The following ACTR8 variants were observed in gnomAD, a reference collection of about 807,000 sequenced individuals.
ACTR8 encodes the protein actin related protein 8.
ACTR8 carries 70 observed loss-of-function variants against 84.3 expected under a neutral mutation model. The ratio of observed to expected loss-of-function variants is 0.83; its 90% CI spans 0.68 to 1.01. ACTR8 has a LOEUF of 1.01. Ranked by LOEUF, ACTR8 falls within the 50% of genes least tolerant of loss-of-function variation. The probability of loss-of-function intolerance (pLI) is 0.00; values close to 1 mark genes in which losing one functional copy is unlikely to be tolerated. For synonymous variants in ACTR8, 268 were observed against 275.2 expected, an observed-to-expected ratio of 0.97 and a Z score of 0.26; for missense variants, 672 against 775.4, an observed-to-expected ratio of 0.87 and a Z score of 1.58.
downstream of ACTR8, chr3:53,865,384 G>A: frequency 1.7e-6 from 2 of 1,176,618 alleles, no homozygotes; most frequent in East Asian, 2.4e-5. Context: ...TGATGATCCT[G>A]AAGCTTACTA....
chr3:53,876,279 G>A (rs1375152754), intron 6 of ACTR8, among the ~76,000 whole-genome samples, 199 bp from the exon 7 acceptor site: 1 of 152,134 alleles, frequency 6.6e-6, no homozygotes, highest in East Asian at 1.9e-4. Flanking sequence ...AGCACTTTGG[G>A]AGGCCAAGGT....
intron 2 of ACTR8, among the ~76,000 whole-genome samples, chr3:53,879,003 T>G (rs924917203): frequency 6.6e-5 from 10 of 152,248 alleles, no homozygotes; most frequent in Non-Finnish European, 1.2e-4. Flanking sequence ...TCCATACAAT[T>G]ATATAATTCT....
At chr3:53,860,895 T>TA in the ACTR8 span, 6 of 152,204 alleles carry the variant, frequency 3.9e-5, no homozygotes, top group Non-Finnish European at 8.8e-5. Flanking sequence ...TATCAAAACT[T>TA]AAACACACAC....
At chr3:53,873,004 C>T in intron 9 of ACTR8, 28 bp downstream of exon 9, 1 of 1,531,724 alleles carries the variant, frequency 6.5e-7, no homozygotes, top group South Asian at 1.2e-5. Context: ...TTTCTTTCTA[C>T]CCATGGAAAC....
chr3:53,868,566 C>T lies in ACTR8; in HGVS notation c.*153G>A. The T allele has an allele frequency of 8.3e-7, 1 of 1,209,526 alleles. No homozygotes were observed. Among genetic ancestry groups the T allele is most frequent in the Non-Finnish European group, 1.1e-6 (1 of 884,766 alleles). The allele number at this position is 1,209,526 out of a possible 1,614,324, so 74.9% of individuals were successfully genotyped here. A position where few individuals can be genotyped will look rare whatever the true frequency, so the allele number is the denominator to read the frequency against. On this transcript the variant is annotated 3_prime_UTR_variant, in exon 13 of 13. Transcript: ENST00000335754. ...CTCAAAAGCAGTTTATATTTTCAAACCAATGTCATGTCCTCAACATAAAGT... is the reference window on the plus strand; with the variant it reads ...CTCAAAAGCAGTTTATATTTTCAAATCAATGTCATGTCCTCAACATAAAGT...
At position 53,870,952 on chromosome 3, in the gene ACTR8, A is replaced by T. The variant is rs535034075; in HGVS notation, c.1567+280T>A. ...TGTGAAAGTACCACTGGCAGGTGCT[A>T]CAAAGTTTATCTAAAGGGTACTGAC... is the stretch of plus-strand genomic sequence containing the variant. On this transcript the variant is annotated intron_variant, in intron 11 of 12. Coordinates refer to ENST00000335754, the MANE Select transcript of ACTR8 (RefSeq NM_022899.5). This position sits in a 1 kb window ranked among gnomAD's most constrained non-coding sequence, Gnocchi z 4.1. Among the ~76,000 whole-genome samples, 5 of 152,216 alleles carry T rather than the reference A, an allele frequency of 3.3e-5. No individual in the cohort carries two copies. Among genetic ancestry groups the T allele is most frequent in the Non-Finnish European group, 7.3e-5 (5 of 68,030 alleles).
In ACTR8 at chr3:53,877,706, A is replaced by G; in HGVS notation, c.451T>C (p.Cys151Arg). The G allele has an allele frequency of 5.6e-6, 9 of 1,614,178 alleles. No homozygotes were observed. The highest frequency in any genetic ancestry group is 6.8e-6 in the Non-Finnish European group (8 of 1,180,012). Residue 151 changes from cysteine to arginine, a missense_variant, in exon 4 of 13, where the codon TGT becomes CGT. By Grantham distance (180) the Cys-to-Arg change is radical. Transcript: ENST00000335754. The stretch of plus-strand genomic sequence containing the variant: ...GTGTTTGTCCACTTATTTCCCGAAC[A>G]GTGATCTAAAATTGCAGGTCGCATC... ...KQMRPAILDHCSGNKWTNTSH... is the reference protein window; with the variant it reads ...KQMRPAILDHRSGNKWTNTSH...
In ACTR8 at chr3:53,878,399, C is replaced by A. The variant is rs779037812; in HGVS notation, c.363G>T (p.Lys121Asn). 1 of 1,613,516 alleles carries A rather than the reference C, an allele frequency of 6.2e-7. No individual in the cohort carries two copies. The highest frequency in any genetic ancestry group is 1.1e-5 in the South Asian group (1 of 90,848). The change falls in exon 3 of 13, where the codon AAG becomes AAT. Residue 121 changes from lysine to asparagine, a missense_variant. By Grantham distance (94) the Lys-to-Asn change is moderately conservative. Transcript: ENST00000335754. ...KMVDQAIWSK[K>N]MSNGTRRIPV... ...GAATGCGTCTTGTACCATTGGACATCTTTTTAGACCATATTGCTTGATCCA... is the reference window on the plus strand; with the variant it reads ...GAATGCGTCTTGTACCATTGGACATATTTTTAGACCATATTGCTTGATCCA...
downstream of ACTR8, among the ~76,000 whole-genome samples, chr3:53,866,506 G>T (rs956881809): frequency 6.6e-6 from 1 of 151,098 alleles, no homozygotes; most frequent in Non-Finnish European, 1.5e-5. Context: ...TTTTGAGACA[G>T]AGTTTCACTC....
chr3:53,860,104 AG>A, the ACTR8 span: 1 of 1,533,986 alleles, frequency 6.5e-7, no homozygotes. Context: ...TGTTTTCCAA[AG>A]GTGAATAAGC....
chr3:53,864,362 C>T (rs1576852129), downstream of ACTR8, among the ~76,000 whole-genome samples: 1 of 152,142 alleles, frequency 6.6e-6, no homozygotes, highest in African/African-American at 2.4e-5. Context: ...GGGTGAAACC[C>T]CGTCTCTACT....
chr3:53,865,464 A>T, downstream of ACTR8: 1 of 574,660 alleles, frequency 1.7e-6, no homozygotes, highest in East Asian at 2.8e-5. Flanking sequence ...TTGCTAACTA[A>T]TGTAGCATTA....
downstream of ACTR8, among the ~76,000 whole-genome samples, chr3:53,862,997 A>G (rs1457042803): frequency 6.6e-6 from 1 of 152,148 alleles, no homozygotes; most frequent in African/African-American, 2.4e-5. Context: ...CTTCCTCGTC[A>G]GCCTACTCAA....
intron 2 of ACTR8, 149 bp from the exon 3 acceptor site, chr3:53,878,616 G>C: frequency 1.6e-6 from 1 of 613,192 alleles, no homozygotes; most frequent in East Asian, 2.9e-5. Context: ...CTGCTCTTAA[G>C]AATTCCCTCT....
At chr3:53,873,275 T>C (rs892426759) in intron 8 of ACTR8, 148 bp from the exon 9 acceptor site, 3 of 473,188 alleles carry the variant, frequency 6.3e-6, no homozygotes, top group Admixed American at 3.5e-5. Flanking sequence ...TTTAGTAAAA[T>C]AGGAATTAAG....
Position 53,872,500 on chromosome 3 carries a change from C to T in ACTR8, c.1186G>A (p.Ala396Thr), listed in dbSNP as rs371132984. The change falls in exon 10 of 13, where the codon GCA becomes ACA. Residue 396 changes from alanine (A) to threonine (T), a missense_variant. By Grantham distance (58) the Ala-to-Thr change is moderately conservative. Transcript: ENST00000335754. ...LQAPMALFYP[A>T]TFGIVGQKMT... ...TTCTGTCCAACGATTCCAAAAGTTG[C>T]GGGGTAAAACAAAGCCATTGGAGCC... 36 of 1,607,334 alleles carry T rather than the reference C, an allele frequency of 2.2e-5. No homozygotes were observed. In the East Asian group the frequency reaches 3.8e-4, roughly 17 times the overall value.
At chr3:53,864,706 T>C (rs1699716548), downstream of ACTR8, 1 of 1,433,066 alleles carries the variant, frequency 7.0e-7, no homozygotes, top group Admixed American at 1.8e-5. Context: ...AGCCTGCTGT[T>C]TGCTGTTCAC....
chr3:53,880,502 C>A (rs1700041858), intron 1 of ACTR8, among the ~76,000 whole-genome samples: 1 of 152,336 alleles, frequency 6.6e-6, no homozygotes, highest in South Asian at 2.1e-4. Context: ...AAGCTCCTAA[C>A]TCACAGTTAC....
intron 7 of ACTR8, 142 bp downstream of exon 7, chr3:53,875,806 T>A (rs1438675589): frequency 1.6e-6 from 2 of 1,268,834 alleles, no homozygotes; most frequent in Non-Finnish European, 2.2e-6. Context: ...AATATGCACT[T>A]CCATAATCTT....
Sources: gnomAD v4.1 joint callset for allele counts (sites outside exome capture counted in the v4.1 genomes callset) on GRCh38, gnomAD v4.1.1 for gene constraint, Gnocchi (gnomAD v3.1) non-coding constraint, MANE v1.5 for transcripts, NCBI Gene and HGNC (gene_info 2026-07-23, HGNC 2026-07-21) for gene names.